The following PCBP3 variants were observed in gnomAD, a reference collection of about 807,000 sequenced individuals.
PCBP3 encodes the protein poly(rC)-binding protein 3.
A neutral mutation model predicts 52.7 loss-of-function variants in PCBP3; 25 were observed. That is an observed-to-expected ratio of 0.47 (90% confidence interval 0.35 to 0.66). The LOEUF is 0.66. Ranked by LOEUF, PCBP3 falls within the 30% of genes least tolerant of loss-of-function variation. The pLI is 0.01. For synonymous variants in PCBP3, 162 were observed against 183.0 expected, an observed-to-expected ratio of 0.89 and a Z score of 0.93; for missense variants, 391 against 490.3, an observed-to-expected ratio of 0.80 and a Z score of 1.91.
intron 4 of PCBP3, among the ~76,000 whole-genome samples, chr21:45,819,811 G>A (rs796913216): frequency 9.2e-5 from 14 of 152,362 alleles, no homozygotes; most frequent in African/African-American, 2.2e-4. Context: ...ATGGGTGTGC[G>A]GGCACAGGGC....
At chr21:45,901,769 A>C (rs113884594) in intron 9 of PCBP3, among the ~76,000 whole-genome samples, 1 of 140,684 alleles carries the variant, frequency 7.1e-6, no homozygotes. Flanking sequence ...AGACAGAGAG[A>C]GAGCGAGGGG....
intron 5 of PCBP3, among the ~76,000 whole-genome samples, chr21:45,882,107 G>A (rs769605790): frequency 1.1e-4 from 16 of 152,110 alleles, no homozygotes; most frequent in East Asian, 3.9e-4. Flanking sequence ...AGGAACTTCC[G>A]TACCGTTCTC....
intron 7 of PCBP3, 76 bp downstream of exon 7, chr21:45,899,698 C>A: frequency 1.8e-6 from 2 of 1,119,450 alleles, no homozygotes; most frequent in Non-Finnish European, 2.7e-6. Flanking sequence ...TCCCTGGGTA[C>A]TAGGTGGCAC....
chr21:45,753,054 G>A (rs892670108), intron 3 of PCBP3: 1 of 145,210 alleles, frequency 6.9e-6, no homozygotes, highest in Middle Eastern at 3.9e-3. Context: ...TTGAGCCCAG[G>A]AGGTTGAGGC....
intron 6 of PCBP3, among the ~76,000 whole-genome samples, chr21:45,898,710 G>A (rs148870384): frequency 4.1e-4 from 14 of 34,092 alleles, no homozygotes; most frequent in African/African-American, 1.6e-3. Context: ...CCGTCCTCAC[G>A]GCCTCCCTCT....
intron 9 of PCBP3, among the ~76,000 whole-genome samples, chr21:45,902,172 G>C (rs745745240): frequency 6.6e-6 from 1 of 152,230 alleles, no homozygotes; most frequent in Non-Finnish European, 1.5e-5. Context: ...TCCTGAGTTG[G>C]AACTGGGGAT....
At chr21:45,728,684 T>G (rs2085238434) in intron 2 of PCBP3, 1 of 152,222 alleles carries the variant, frequency 6.6e-6, no homozygotes, top group Non-Finnish European at 1.5e-5. Flanking sequence ...AGAATTCACC[T>G]GCAAAGTCAT....
intron 5 of PCBP3, among the ~76,000 whole-genome samples, chr21:45,876,990 CCAGCCGCACT>C (rs2095275355): frequency 6.6e-6 from 1 of 152,264 alleles, no homozygotes; most frequent in Non-Finnish European, 1.5e-5. Context: ...GCGCCTGCTG[CCAGCCGCACT>C]CACAGCTGTG....
intron 4 of PCBP3, among the ~76,000 whole-genome samples, chr21:45,839,028 GA>G (rs2093646884): frequency 1.3e-5 from 2 of 151,278 alleles, no homozygotes; most frequent in African/African-American, 4.9e-5. Flanking sequence ...TTTTCTTTTC[GA>G]AAACATGAAC....
At chr21:45,877,251 C>T (rs1346518127) in intron 5 of PCBP3, among the ~76,000 whole-genome samples, 2 of 152,200 alleles carry the variant, frequency 1.3e-5, no homozygotes, top group East Asian at 1.9e-4. Context: ...TCAGGGTCAT[C>T]GCACTGTGTC....
chr21:45,813,706 A>G (rs1208519723), intron 4 of PCBP3, among the ~76,000 whole-genome samples: 1 of 152,234 alleles, frequency 6.6e-6, no homozygotes, highest in Non-Finnish European at 1.5e-5. Context: ...GGCCTCCCAA[A>G]GTGCTGGTAT....
At chr21:45,772,860 T>G (rs2089982878) in intron 4 of PCBP3, among the ~76,000 whole-genome samples, 1 of 152,218 alleles carries the variant, frequency 6.6e-6, no homozygotes, top group Non-Finnish European at 1.5e-5. Flanking sequence ...ACATACTTCT[T>G]GGCTGTTTGT....
chr21:45,668,030 C>T (rs185742710), intron 1 of PCBP3, among the ~76,000 whole-genome samples: 12 of 152,250 alleles, frequency 7.9e-5, no homozygotes, highest in Admixed American at 5.9e-4. Flanking sequence ...TCCCAAGAGA[C>T]CCCATGTGTG....
chr21:45,909,993 CTCACCT>C, intron 10 of PCBP3, among the ~76,000 whole-genome samples: 1 of 85,214 alleles, frequency 1.2e-5, no homozygotes, highest in Middle Eastern at 7.0e-3. Context: ...ACGGACCCCC[CTCACCT>C]GCTTCCCAAA....
chr21:45,910,349 TG>T (rs1011834319), intron 10 of PCBP3, among the ~76,000 whole-genome samples: 14 of 151,804 alleles, frequency 9.2e-5, no homozygotes, highest in South Asian at 2.1e-4. Context: ...AGGGAGGCCC[TG>T]GGCACTGGGT....
At position 45,713,033 on chromosome 21, in the gene PCBP3, C is replaced by T. The variant is rs186264630; in HGVS notation, c.-199-22359C>T. On this transcript the variant is annotated intron_variant, in intron 2 of 17. Transcript: ENST00000681687. ...AGCCACCTTACCTGGCCGAGGGTTG[C>T]TCTTTCCATGAGTCATTTACACTGA... is the stretch of plus-strand genomic sequence containing the variant. Among the ~76,000 whole-genome samples, 8 of 152,286 alleles carry T rather than the reference C, an allele frequency of 5.3e-5. No homozygotes were observed. In the East Asian group the frequency reaches 1.5e-3, roughly 29 times the overall value.
At chr21:45,806,224 C>T (rs1291137950) in intron 4 of PCBP3, among the ~76,000 whole-genome samples, 2 of 152,198 alleles carry the variant, frequency 1.3e-5, no homozygotes, top group Non-Finnish European at 2.9e-5. Flanking sequence ...GCTGTACTCC[C>T]GTGCTGGATG....
chr21:45,901,414 C>G (rs2149106290), intron 9 of PCBP3: 1 of 356,830 alleles, frequency 2.8e-6, no homozygotes, highest in Non-Finnish European at 5.4e-6. Context: ...TCAGAACACC[C>G]CACCCTTCCC....
chr21:45,917,734 T>A lies in PCBP3; in HGVS notation c.717+105T>A, dbSNP rs1426300962. 1 of 933,614 alleles carries A rather than the reference T, an allele frequency of 1.1e-6. No individual in the cohort carries two copies. Among genetic ancestry groups the A allele is most frequent in the African/African-American group, 1.6e-5 (1 of 61,922 alleles). The allele number at this position is 933,614 out of a possible 1,614,324, so 57.8% of individuals were successfully genotyped here. The stretch of plus-strand genomic sequence containing the variant: ...CTAACATTAATATTACACAATAATA[T>A]TAATCAACTTCTCAGCGTTCCTGAC... On this transcript the variant is annotated intron_variant, in intron 13 of 17. Coordinates refer to ENST00000681687, the MANE Select transcript of PCBP3 (RefSeq NM_001384156.1). The surrounding 1 kb of genome is among the most constrained non-coding windows in gnomAD (Gnocchi z 5.3).
Sources: allele counts gnomAD v4.1 joint callset (sites outside exome capture counted in the v4.1 genomes callset), GRCh38; gene constraint gnomAD v4.1.1; non-coding constraint Gnocchi (gnomAD v3.1); transcripts MANE v1.5; gene names NCBI Gene and HGNC (gene_info 2026-07-23, HGNC 2026-07-21).